ARHGAP12: variants seen among roughly 807,000 people sequenced by gnomAD.
The protein encoded by ARHGAP12 is Rho GTPase activating protein 12.
ARHGAP12 carries 64 observed loss-of-function variants against 108.6 expected under a neutral mutation model. That is an observed-to-expected ratio of 0.59 (90% CI 0.48 to 0.73). The LOEUF is 0.73. Ranked by LOEUF, ARHGAP12 falls within the 30% of genes least tolerant of loss-of-function variation. The probability of loss-of-function intolerance (pLI) is 0.00; values close to 1 mark genes in which losing one functional copy is unlikely to be tolerated. For synonymous variants in ARHGAP12, 312 were observed against 337.2 expected, an observed-to-expected ratio of 0.93 and a Z score of 0.82; for missense variants, 940 against 1,005.9, an observed-to-expected ratio of 0.93 and a Z score of 0.89.
In ARHGAP12 at chr10:31,838,179, G is replaced by A. The variant is rs749327974; in HGVS notation, c.1386+1126C>T. Among the ~76,000 whole-genome samples the A allele has an allele frequency of 4.6e-5, 7 of 152,240 alleles. No individual in the cohort carries two copies. In the South Asian group the frequency reaches 6.2e-4, roughly 14 times the overall value. On this transcript the variant is annotated intron_variant, in intron 9 of 19. Transcript: ENST00000344936. Reference sequence around the variant, plus strand: ...TAGAAGCTAACCAGGCAAAGATGTCGGGGAGAATGTTTCAGCATGCAGAAG... The same window carrying A: ...TAGAAGCTAACCAGGCAAAGATGTCAGGGAGAATGTTTCAGCATGCAGAAG...
At chr10:31,868,303 T>C (rs1275457756) in intron 3 of ARHGAP12, among the ~76,000 whole-genome samples, 1 of 152,116 alleles carries the variant, frequency 6.6e-6, no homozygotes, top group African/African-American at 2.4e-5. Flanking sequence ...AAATTCCAAT[T>C]AAATTTTAAA....
intron 1 of ARHGAP12, among the ~76,000 whole-genome samples, chr10:31,921,254 G>T (rs559233168): frequency 6.6e-6 from 1 of 152,048 alleles, no homozygotes; most frequent in Non-Finnish European, 1.5e-5. Context: ...CTTCAGCCTT[G>T]GTGAGAGTGA....
At position 31,810,651 on chromosome 10, in the gene ARHGAP12, T is replaced by C. The variant is rs1374138445; in HGVS notation, c.2048A>G (p.His683Arg). 1.9e-6 allele frequency: 3 copies of C among 1,562,334 alleles called. No individual in the cohort carries two copies. The highest frequency in any genetic ancestry group is 1.2e-5 in the South Asian group (1 of 81,190). ...AAAAATCAAAATCCTTCTCTTACCA[T>C]GTTCTTCAACATGTTCAATACATAA... ...VKLCIEHVEE[H>R]GLDIDGIYRV... The change falls in exon 16 of 20, where the codon CAT becomes CGT. Residue 683 changes from histidine to arginine, a missense_variant and splice_region_variant. Coordinates refer to ENST00000344936, the MANE Select transcript of ARHGAP12 (RefSeq NM_018287.7).
chr10:31,925,924 T>C (rs1592395905), intron 1 of ARHGAP12, among the ~76,000 whole-genome samples: 1 of 152,260 alleles, frequency 6.6e-6, no homozygotes, highest in African/African-American at 2.4e-5. Context: ...TAAAATGATA[T>C]TGTGAATATA....
intron 4 of ARHGAP12, among the ~76,000 whole-genome samples, chr10:31,855,818 T>C (rs1186883068): frequency 6.6e-6 from 1 of 152,190 alleles, no homozygotes; most frequent in Non-Finnish European, 1.5e-5. Flanking sequence ...GCACAGTAAA[T>C]ATGATGTTCT....
intron 9 of ARHGAP12, among the ~76,000 whole-genome samples, chr10:31,833,316 C>A (rs1184866169): frequency 1.4e-5 from 2 of 140,714 alleles, no homozygotes; most frequent in East Asian, 2.0e-4. Flanking sequence ...TTTAAAAATG[C>A]CACAGCTGAA....
intron 11 of ARHGAP12, among the ~76,000 whole-genome samples, chr10:31,825,722 T>C (rs959897846): frequency 2.6e-5 from 4 of 152,186 alleles, no homozygotes; most frequent in Admixed American, 2.6e-4. Context: ...AATGTAGCTA[T>C]TATATGTCAC....
chr10:31,912,510 A>T (rs972114710), intron 1 of ARHGAP12, among the ~76,000 whole-genome samples: 4 of 152,202 alleles, frequency 2.6e-5, no homozygotes, highest in African/African-American at 9.6e-5. Flanking sequence ...ATAAGTATGA[A>T]GGAGGAGTTA....
At chr10:31,863,923 CAGAT>C (rs1467076675) in intron 3 of ARHGAP12, among the ~76,000 whole-genome samples, 1 of 152,062 alleles carries the variant, frequency 6.6e-6, no homozygotes, top group Non-Finnish European at 1.5e-5. Flanking sequence ...ATCAACAAGA[CAGAT>C]AAGTTCTTCC....
At chr10:31,842,476 T>C (rs749283696) in intron 7 of ARHGAP12, among the ~76,000 whole-genome samples, 1 of 152,254 alleles carries the variant, frequency 6.6e-6, no homozygotes, top group East Asian at 1.9e-4. Context: ...ACTGGTCTGT[T>C]ACTTTCGTTG....
intron 3 of ARHGAP12, among the ~76,000 whole-genome samples, chr10:31,886,477 T>C (rs144926535): frequency 3.2e-3 from 488 of 152,300 alleles, no homozygotes; most frequent in African/African-American, 0.011. Context: ...TTTTTAATCA[T>C]AGATTTAAGC....
intron 9 of ARHGAP12, among the ~76,000 whole-genome samples, chr10:31,837,777 C>T (rs1444690528): frequency 6.6e-6 from 1 of 152,076 alleles, no homozygotes; most frequent in Non-Finnish European, 1.5e-5. Flanking sequence ...CTGAAGTATC[C>T]TAATAAATAA....
intron 12 of ARHGAP12, among the ~76,000 whole-genome samples, chr10:31,818,954 G>A (rs190379200): frequency 6.6e-6 from 1 of 152,052 alleles, no homozygotes; most frequent in East Asian, 1.9e-4. Context: ...TTCTAGTGTT[G>A]GTCAAGCCAG....
rs199752417 is a variant in ARHGAP12 at position 31,862,701 on chromosome 10, CACAG to C, written c.685-1047_685-1044del. ...ACCAGATGACAGTGGCGCATGCACA[CACAG>C]ACACACACACACACACACACACACA... On this transcript the variant is annotated intron_variant, in intron 3 of 19. Transcript: ENST00000344936. 0.026 allele frequency among the ~76,000 whole-genome samples: 1,369 copies of C among 52,562 alleles called. 30 individuals carry two copies. The East Asian group carries it at 0.3, about 12-fold the overall frequency. The allele number at this position is 52,562 out of a possible 152,430, so 34.5% of individuals were successfully genotyped here.
intron 9 of ARHGAP12, among the ~76,000 whole-genome samples, chr10:31,833,418 C>CAGCCTA (rs1835904565): frequency 6.6e-6 from 1 of 151,326 alleles, no homozygotes; most frequent in Non-Finnish European, 1.5e-5. Flanking sequence ...TAGTGATAGA[C>CAGCCTA]AGCCTAAGCC....
chr10:31,835,971 C>T (rs1836000501), intron 9 of ARHGAP12, among the ~76,000 whole-genome samples: 1 of 151,956 alleles, frequency 6.6e-6, no homozygotes, highest in African/African-American at 2.4e-5. Flanking sequence ...CTGAACTGTA[C>T]CCTTTAAAAT....
intron 2 of ARHGAP12, among the ~76,000 whole-genome samples, chr10:31,910,180 T>C (rs1486363491): frequency 6.6e-6 from 1 of 152,194 alleles, no homozygotes; most frequent in African/African-American, 2.4e-5. Flanking sequence ...CACTCCAGTT[T>C]GTAGTATTTG....
Position 31,928,314 on chromosome 10 carries a change from C to A in ARHGAP12, c.-111+369G>T, listed in dbSNP as rs147408209. The stretch of plus-strand genomic sequence containing the variant: ...TCCCGCACTCACACACACACCCGCG[C>A]ACCCTCACACTCTCCTCCCTGGGGG... On this transcript the variant is annotated intron_variant, in intron 1 of 19. Coordinates refer to ENST00000344936, the MANE Select transcript of ARHGAP12 (RefSeq NM_018287.7). Among the ~76,000 whole-genome samples the A allele has an allele frequency of 2.8e-3, 426 of 151,788 alleles. 2 individuals are homozygous for A. Among genetic ancestry groups the A allele is most frequent in the South Asian group, 0.018 (84 of 4,790 alleles).
chr10:31,883,870 C>T (rs949763457), intron 3 of ARHGAP12, among the ~76,000 whole-genome samples: 4 of 151,946 alleles, frequency 2.6e-5, no homozygotes, highest in Admixed American at 2.0e-4. Flanking sequence ...AGCCCCAATG[C>T]CCAGCTAATT....
Sources: allele counts gnomAD v4.1 joint callset (sites outside exome capture counted in the v4.1 genomes callset), GRCh38; gene constraint gnomAD v4.1.1; transcripts MANE v1.5; gene names NCBI Gene and HGNC (gene_info 2026-07-23, HGNC 2026-07-21).